LGR4: variants seen among roughly 807,000 people sequenced by gnomAD.
LGR4 encodes leucine-rich repeat-containing G protein-coupled receptor 4.
In LGR4, 44 loss-of-function variants were observed where a neutral mutation model predicts 84.8. The ratio of observed to expected loss-of-function variants is 0.52; its 90% CI spans 0.41 to 0.67. The LOEUF is 0.67. LGR4 is among the 30% of genes least tolerant of loss of function. The pLI is 0.00. For missense variants in LGR4, 1,032 were observed against 1,131.4 expected (o/e 0.91, Z 1.26); for synonymous variants, 429 against 434.3 (o/e 0.99, Z 0.15).
At chr11:27,456,898 CATATAGATGT>C (rs1565099791) in intron 1 of LGR4, among the ~76,000 whole-genome samples, 1 of 152,106 alleles carries the variant, frequency 6.6e-6, no homozygotes, top group Non-Finnish European at 1.5e-5. Context: ...TGTATGCAGA[CATATAGATGT>C]ATGTGTGCTT....
At chr11:27,407,078 G>T (rs1396751481) in intron 2 of LGR4, among the ~76,000 whole-genome samples, 1 of 152,146 alleles carries the variant, frequency 6.6e-6, no homozygotes, top group Non-Finnish European at 1.5e-5. Context: ...TTCTGGCTTA[G>T]TTACATACTA....
At chr11:27,377,841 T>G (rs1863015932) in intron 11 of LGR4, among the ~76,000 whole-genome samples, 1 of 152,152 alleles carries the variant, frequency 6.6e-6, no homozygotes, top group African/African-American at 2.4e-5. Context: ...CAAATAACAG[T>G]TTTGGTCAAT....
intron 1 of LGR4, among the ~76,000 whole-genome samples, chr11:27,457,924 C>T (rs1864604395): frequency 6.6e-6 from 1 of 151,868 alleles, no homozygotes. Context: ...GCCAGAAGTT[C>T]AAGACTAGCC....
At chr11:27,385,677 C>T (rs1863174658) in intron 4 of LGR4, 2 of 400,294 alleles carry the variant, frequency 5.0e-6, no homozygotes, top group Non-Finnish European at 8.8e-6. Context: ...ATAAGAATGG[C>T]ATGTATCCAA....
intron 1 of LGR4, among the ~76,000 whole-genome samples, chr11:27,437,346 T>C (rs991328359): frequency 6.6e-6 from 1 of 152,194 alleles, no homozygotes; most frequent in Non-Finnish European, 1.5e-5. Context: ...TAATTATCCA[T>C]GTGTATTGAA....
At chr11:27,462,308 C>T (rs987730734) in intron 1 of LGR4, among the ~76,000 whole-genome samples, 3 of 152,190 alleles carry the variant, frequency 2.0e-5, no homozygotes. Flanking sequence ...CTTGACCAGC[C>T]ATCTCAGGAA....
intron 17 of LGR4, among the ~76,000 whole-genome samples, chr11:27,370,736 C>A (rs901723789): frequency 6.6e-6 from 1 of 152,186 alleles, no homozygotes; most frequent in Non-Finnish European, 1.5e-5. Context: ...CTTTAATAAA[C>A]CTGTTCCCTT....
chr11:27,446,048 G>A (rs1219516426), intron 1 of LGR4, among the ~76,000 whole-genome samples: 1 of 152,136 alleles, frequency 6.6e-6, no homozygotes, highest in Non-Finnish European at 1.5e-5. Flanking sequence ...TACATGCAAG[G>A]CACAAATATA....
chr11:27,431,521 T>A (rs1864116169), intron 1 of LGR4, among the ~76,000 whole-genome samples: 1 of 152,252 alleles, frequency 6.6e-6, no homozygotes, highest in Admixed American at 6.5e-5. Context: ...AACCAATATT[T>A]GTGCTACTAA....
In LGR4 at chr11:27,472,749, C is replaced by T. The variant is rs1281321721; in HGVS notation, c.-447G>A. 3 of 353,242 alleles carry T rather than the reference C, an allele frequency of 8.5e-6. No individual in the cohort carries two copies. In the Admixed American group the frequency reaches 1.4e-4, roughly 17 times the overall value. 21.9% of individuals were successfully genotyped at this position (353,242 alleles called of 1,614,324 possible). A position where few individuals can be genotyped will look rare whatever the true frequency, so the allele number is the denominator to read the frequency against. On this transcript the variant is annotated 5_prime_UTR_variant, in exon 1 of 18. Coordinates refer to ENST00000379214, the MANE Select transcript of LGR4 (RefSeq NM_018490.5). ...GGCTCGCTGTCTCCCAGCCGCGGCT[C>T]AATCTCTTCCCGTCCTTTTCCCTTC...
At chr11:27,420,476 A>G (rs552928599) in intron 1 of LGR4, among the ~76,000 whole-genome samples, 1 of 152,302 alleles carries the variant, frequency 6.6e-6, no homozygotes, top group South Asian at 2.1e-4. Context: ...TGATCGAATC[A>G]GACCTGGAGC....
chr11:27,407,556 T>C (rs973703887), intron 2 of LGR4, among the ~76,000 whole-genome samples: 2 of 152,192 alleles, frequency 1.3e-5, no homozygotes, highest in African/African-American at 4.8e-5. Context: ...ATTAAGTTTT[T>C]AGCATTAACT....
chr11:27,426,343 T>C (rs115153215), intron 1 of LGR4, among the ~76,000 whole-genome samples: 254 of 152,304 alleles, frequency 1.7e-3, no homozygotes, highest in African/African-American at 6.0e-3. Flanking sequence ...AAATACAAGT[T>C]ACTGCATTAA....
intron 1 of LGR4, among the ~76,000 whole-genome samples, chr11:27,425,306 A>T (rs1864001722): frequency 6.6e-6 from 1 of 151,548 alleles, no homozygotes; most frequent in Non-Finnish European, 1.5e-5. Context: ...ATCGCAGTTT[A>T]TAGTTATTGT....
At chr11:27,422,574 G>C (rs779320557) in intron 1 of LGR4, among the ~76,000 whole-genome samples, 1 of 152,168 alleles carries the variant, frequency 6.6e-6, no homozygotes, top group Non-Finnish European at 1.5e-5. Context: ...CTTCCTGACT[G>C]CAAACTCTGA....
At chr11:27,450,928 G>A (rs189579100) in intron 1 of LGR4, among the ~76,000 whole-genome samples, 5 of 152,242 alleles carry the variant, frequency 3.3e-5, no homozygotes, top group Admixed American at 1.3e-4. Context: ...CAACAAGTCT[G>A]ATACCCTGGG....
At position 27,389,456 on chromosome 11, in the gene LGR4, C is replaced by T. The variant is rs138504663; in HGVS notation, c.401+1638G>A. Among the ~76,000 whole-genome samples the T allele has an allele frequency of 5.7e-4, 87 of 152,188 alleles. No homozygotes were observed. In the East Asian group the frequency reaches 0.017, roughly 29 times the overall value. ...AGAAACCTATGATTTCTGTGAAAAACATCACTTTAAATCATCTACATTACC... is the reference window on the plus strand; with the variant it reads ...AGAAACCTATGATTTCTGTGAAAAATATCACTTTAAATCATCTACATTACC... On this transcript the variant is annotated intron_variant, in intron 4 of 17. Coordinates refer to ENST00000379214, the MANE Select transcript of LGR4 (RefSeq NM_018490.5).
At position 27,366,079 on chromosome 11, in the gene LGR4, T is replaced by C. The variant is rs1590336407; in HGVS notation, c.*1788A>G. On this transcript the variant is annotated 3_prime_UTR_variant, in exon 18 of 18. Transcript: ENST00000379214. ...TATTCTAGTTTTTAAATGAATAAAATGAAAAGTTTTCAATAACCTGAATTT... is the reference window on the plus strand; with the variant it reads ...TATTCTAGTTTTTAAATGAATAAAACGAAAAGTTTTCAATAACCTGAATTT... The C allele has an allele frequency of 6.6e-6, 1 of 152,532 alleles. No individual in the cohort carries two copies. The highest frequency in any genetic ancestry group is 1.5e-5 in the Non-Finnish European group (1 of 67,958). The allele number at this position is 152,532 out of a possible 1,614,324, so 9.4% of individuals were successfully genotyped here.
chr11:27,462,796 T>C (rs1864705139), intron 1 of LGR4, among the ~76,000 whole-genome samples: 1 of 151,862 alleles, frequency 6.6e-6, no homozygotes, highest in Admixed American at 6.6e-5. Context: ...AAGTCCAAAG[T>C]GGTTAAGTGA....
Sources: gnomAD v4.1 joint callset for allele counts (sites outside exome capture counted in the v4.1 genomes callset) on GRCh38, gnomAD v4.1.1 for gene constraint, MANE v1.5 for transcripts, NCBI Gene and HGNC (gene_info 2026-07-23, HGNC 2026-07-21) for gene names.